The following TFDP2 variants were observed in gnomAD, a reference collection of about 807,000 sequenced individuals.
The protein encoded by TFDP2 is transcription factor Dp-2.
TFDP2 carries 17 observed loss-of-function variants against 59.3 expected under a neutral mutation model. The ratio of observed to expected loss-of-function variants is 0.29; its 90% CI spans 0.20 to 0.43. The LOEUF (loss-of-function observed/expected upper bound fraction) is 0.43. Ranked by LOEUF, TFDP2 falls within the 20% of genes least tolerant of loss-of-function variation. The probability of loss-of-function intolerance (pLI) is 1.00; values close to 1 mark genes in which losing one functional copy is unlikely to be tolerated. For synonymous variants in TFDP2, 180 were observed against 194.7 expected, an observed-to-expected ratio of 0.92 and a Z score of 0.63; for missense variants, 391 against 528.8, an observed-to-expected ratio of 0.74 and a Z score of 2.56.
chr3:141,982,048 A>C (rs998866736), intron 6 of TFDP2, among the ~76,000 whole-genome samples: 1 of 152,106 alleles, frequency 6.6e-6, no homozygotes, highest in Non-Finnish European at 1.5e-5. Flanking sequence ...CCTAGGCATA[A>C]CTCACATGTG....
intron 1 of TFDP2, among the ~76,000 whole-genome samples, chr3:142,140,538 T>A (rs1010637941): frequency 6.6e-6 from 1 of 152,204 alleles, no homozygotes; most frequent in African/African-American, 2.4e-5. Context: ...GACCTACAGA[T>A]GGGGTTTTGG....
At chr3:142,005,240 T>C (rs1944116882) in intron 4 of TFDP2, among the ~76,000 whole-genome samples, 1 of 152,204 alleles carries the variant, frequency 6.6e-6, no homozygotes, top group Non-Finnish European at 1.5e-5. Context: ...GGTTTCACCA[T>C]GTTGCCCAGG....
At chr3:142,141,155 G>A (rs1014683814) in intron 1 of TFDP2, among the ~76,000 whole-genome samples, 1 of 152,234 alleles carries the variant, frequency 6.6e-6, no homozygotes, top group African/African-American at 2.4e-5. Context: ...AAGGCTCCAC[G>A]GATGTGGGGC....
chr3:142,058,395 A>G (rs2059811216), intron 3 of TFDP2, among the ~76,000 whole-genome samples: 1 of 151,800 alleles, frequency 6.6e-6, no homozygotes, highest in Non-Finnish European at 1.5e-5. Context: ...TAACAATTCA[A>G]TACAATTTTG....
intron 9 of TFDP2, among the ~76,000 whole-genome samples, chr3:141,968,683 TATAG>T (rs1938817144): frequency 9.2e-6 from 1 of 108,646 alleles, no homozygotes; most frequent in African/African-American, 4.3e-5. Context: ...ATATCTCATA[TATAG>T]ATATATATAA....
At chr3:142,033,446 G>C (rs557859973) in intron 3 of TFDP2, among the ~76,000 whole-genome samples, 1 of 152,036 alleles carries the variant, frequency 6.6e-6, no homozygotes, top group Non-Finnish European at 1.5e-5. Flanking sequence ...CTGTGTTAAC[G>C]TTATCTTCTA....
intron 3 of TFDP2, among the ~76,000 whole-genome samples, chr3:142,061,891 CACA>C (rs1560101257): frequency 7.4e-4 from 4 of 5,418 alleles, no homozygotes; most frequent in East Asian, 3.0e-3. Context: ...TCTCTCTCTA[CACA>C]CACACACACA....
intron 1 of TFDP2, among the ~76,000 whole-genome samples, chr3:142,136,154 T>C (rs560573510): frequency 6.6e-6 from 1 of 152,224 alleles, no homozygotes; most frequent in African/African-American, 2.4e-5. Context: ...TGATGACCAG[T>C]GATGATGAGC....
chr3:142,109,258 T>G (rs2061569022), intron 1 of TFDP2, among the ~76,000 whole-genome samples: 1 of 152,182 alleles, frequency 6.6e-6, no homozygotes, highest in Admixed American at 6.5e-5. Flanking sequence ...TCCCATTCAG[T>G]ATGACTTGGC....
chr3:141,954,748 T>C (rs1401453920), intron 11 of TFDP2, among the ~76,000 whole-genome samples: 3 of 152,210 alleles, frequency 2.0e-5, no homozygotes, highest in African/African-American at 4.8e-5. Flanking sequence ...AAAGAAATTC[T>C]ATAAGCCCAA....
At chr3:141,976,357 G>GA (rs1163434461) in intron 7 of TFDP2, among the ~76,000 whole-genome samples, 4 of 152,172 alleles carry the variant, frequency 2.6e-5, no homozygotes, top group African/African-American at 9.7e-5. Context: ...CTGAAGAACT[G>GA]AGACTACAAG....
At position 142,149,458 on chromosome 3, in the gene TFDP2, C is replaced by T. The variant is rs909041022; in HGVS notation, c.-368G>A. 3.8e-4 allele frequency: 143 copies of T among 375,044 alleles called. No individual in the cohort carries two copies. In the East Asian group the frequency reaches 5.1e-3, roughly 13 times the overall value. The allele number at this position is 375,044 out of a possible 1,614,324, so 23.2% of individuals were successfully genotyped here. A position where few individuals can be genotyped will look rare whatever the true frequency, so the allele number is the denominator to read the frequency against. ...GCTGCGGCAGCGCCGCAGCCGAGAT[C>T]GCTACCGATTTCGTCCGCCCTCTCC... On this transcript the variant is annotated 5_prime_UTR_variant, in exon 1 of 13. Coordinates refer to ENST00000489671, the MANE Select transcript of TFDP2 (RefSeq NM_001178139.2).
At chr3:142,139,458 G>T (rs1271455761) in intron 1 of TFDP2, among the ~76,000 whole-genome samples, 1 of 152,142 alleles carries the variant, frequency 6.6e-6, no homozygotes, top group Non-Finnish European at 1.5e-5. Flanking sequence ...TTTCTTCATA[G>T]CATTCATGGT....
At chr3:142,050,835 G>A (rs1947590620) in intron 3 of TFDP2, among the ~76,000 whole-genome samples, 1 of 144,164 alleles carries the variant, frequency 6.9e-6, no homozygotes, top group Admixed American at 7.3e-5. Context: ...GTGACAGAGT[G>A]AGACTCCATC....
chr3:141,967,837 T>A (rs993351274), intron 9 of TFDP2, among the ~76,000 whole-genome samples: 1 of 152,146 alleles, frequency 6.6e-6, no homozygotes, highest in Admixed American at 6.5e-5. Context: ...ATGGTTTCAT[T>A]CTTTGCATCA....
rs748282525 is a variant in TFDP2, at chr3:141,952,537, C to A, written c.1317G>T (p.Glu439Asp). Residue 439 changes from glutamate to aspartate, a missense_variant, in exon 13 of 13, where the codon GAG becomes GAT. By Grantham distance (45) the Glu-to-Asp change is conservative. Coordinates refer to ENST00000489671, the MANE Select transcript of TFDP2 (RefSeq NM_001178139.2). ...SFNDEDEEDD[E>D]EDSSSPE Reference sequence around the variant, plus strand: ...TTTATTCTGGGGAGGAGGAATCCTCCTCATCATCTTCCTCATCTTCATCAT... The same window carrying A: ...TTTATTCTGGGGAGGAGGAATCCTCATCATCATCTTCCTCATCTTCATCAT... The A allele has an allele frequency of 4.5e-6, 7 of 1,550,708 alleles. No individual in the cohort carries two copies. The African/African-American group carries it at 7.0e-5, about 16-fold the overall frequency.
At chr3:142,027,838 T>G (rs1946206707) in intron 3 of TFDP2, among the ~76,000 whole-genome samples, 1 of 152,164 alleles carries the variant, frequency 6.6e-6, no homozygotes, top group African/African-American at 2.4e-5. Flanking sequence ...CTATATTTTC[T>G]TTGCCAGTCC....
chr3:141,983,276 T>C (rs1941682620), intron 6 of TFDP2, among the ~76,000 whole-genome samples: 1 of 152,108 alleles, frequency 6.6e-6, no homozygotes, highest in African/African-American at 2.4e-5. Flanking sequence ...TGTCTCTAGT[T>C]AAAGAACACT....
rs146963620 is a variant in TFDP2 at position 142,117,221 on chromosome 3, C to G, written c.-92-15380G>C. 1.2e-3 allele frequency among the ~76,000 whole-genome samples: 177 copies of G among 151,828 alleles called. 1 individual carries two copies. The highest frequency in any genetic ancestry group is 4.1e-3 in the African/African-American group (169 of 41,450). On this transcript the variant is annotated intron_variant, in intron 1 of 12. Coordinates refer to ENST00000489671, the MANE Select transcript of TFDP2 (RefSeq NM_001178139.2). ...CAGGCATGAGCCACTGCACCCGGCC[C>G]GAAAAAGATTTTTGAACCTTTCCAG...
Sources: allele counts gnomAD v4.1 joint callset (sites outside exome capture counted in the v4.1 genomes callset), GRCh38; gene constraint gnomAD v4.1.1; transcripts MANE v1.5; gene names NCBI Gene and HGNC (gene_info 2026-07-23, HGNC 2026-07-21).